RABEPK: variants seen among roughly 807,000 people sequenced by gnomAD.
The protein encoded by RABEPK is 40 kDa Rab9 effector protein.
Under a neutral mutation model 34.1 loss-of-function variants are expected in RABEPK, and 27 were observed. That is an observed-to-expected ratio of 0.79 (90% confidence interval 0.58 to 1.09). RABEPK has a LOEUF of 1.09. RABEPK is among the 50% of genes least tolerant of loss of function. The pLI, the probability that RABEPK is intolerant of heterozygous loss-of-function variation, is 0.00. For missense variants in RABEPK, 449 were observed against 462.6 expected, an observed-to-expected ratio of 0.97 and a Z score of 0.27; for synonymous variants, 172 against 169.2, an observed-to-expected ratio of 1.02 and a Z score of -0.13.
At chr9:125,201,277 C>T (rs1829887582) in intron 1 of RABEPK, among the ~76,000 whole-genome samples, 1 of 152,020 alleles carries the variant, frequency 6.6e-6, no homozygotes, top group Admixed American at 6.6e-5. Flanking sequence ...AGAAGGGAAG[C>T]GACATTCCAA....
chr9:125,213,396 T>C lies in RABEPK; in HGVS notation c.238T>C (p.Cys80Arg). Reference protein sequence around the residue: ...LGKHQWDLDTCKGLLPRYEHA... With the variant: ...LGKHQWDLDTRKGLLPRYEHA... ...AAAACACCAGTGGGACTTAGATACC[T>C]GCAAGGGCCTCTTGCCCCGGTATGA... is the stretch of plus-strand genomic sequence containing the variant. The change falls in exon 4 of 8, where the codon TGC becomes CGC. Residue 80 changes from cysteine (C) to arginine (R), a missense_variant. Transcript: ENST00000373538. The C allele has an allele frequency of 1.2e-6, 2 of 1,613,416 alleles. No individual in the cohort carries two copies. The highest frequency in any genetic ancestry group is 1.7e-6 in the Non-Finnish European group (2 of 1,179,790).
intron 3 of RABEPK, among the ~76,000 whole-genome samples, chr9:125,210,326 TC>T (rs918330180): frequency 3.1e-4 from 43 of 139,612 alleles, no homozygotes; most frequent in African/African-American, 1.2e-3. Context: ...ATGGCGTGAA[TC>T]CGGGAGGCGG....
chr9:125,204,578 G>A (rs58406689), intron 2 of RABEPK, among the ~76,000 whole-genome samples: 5,020 of 152,270 alleles, frequency 0.033, 242 homozygotes, highest in African/African-American at 0.11. Context: ...GGGAGACTCC[G>A]TCTCAAACAA....
intron 2 of RABEPK, 144 bp downstream of exon 2, chr9:125,203,210 G>T: frequency 1.5e-6 from 1 of 653,648 alleles, no homozygotes; most frequent in Non-Finnish European, 2.7e-6. Flanking sequence ...AACTGTCTGA[G>T]AAAGTCTTCA....
At chr9:125,226,468 A>G (rs750915817) in intron 5 of RABEPK, among the ~76,000 whole-genome samples, 7 of 152,086 alleles carry the variant, frequency 4.6e-5, no homozygotes, top group Non-Finnish European at 8.8e-5. Flanking sequence ...GCTCACACCT[A>G]TATCCTAGCA....
Position 125,200,629 on chromosome 9 carries a change from T to A in RABEPK, c.-284T>A, listed in dbSNP as rs1185411735. 6.4e-6 allele frequency: 3 copies of A among 467,084 alleles called. No homozygotes were observed. Among genetic ancestry groups the A allele is most frequent in the East Asian group, 7.0e-5 (1 of 14,306 alleles). The allele number at this position is 467,084 out of a possible 1,614,324, so 28.9% of individuals were successfully genotyped here. A position where few individuals can be genotyped will look rare whatever the true frequency, so the allele number is the denominator to read the frequency against. On this transcript the variant is annotated 5_prime_UTR_variant, in exon 1 of 8. Transcript: ENST00000373538. ...GGGGCGAGGGTCCCCGGATACCGGG[T>A]CTATCACGGTCTCGGGCAGGGAGTC... is the stretch of plus-strand genomic sequence containing the variant.
At chr9:125,220,942 G>A in intron 5 of RABEPK, 1 of 439,090 alleles carries the variant, frequency 2.3e-6, no homozygotes, top group Non-Finnish European at 3.9e-6. Context: ...TGAGGCAGGT[G>A]GACCGCTTAA....
chr9:125,225,977 AAAAG>A (rs1250953683), intron 5 of RABEPK, among the ~76,000 whole-genome samples: 3 of 150,908 alleles, frequency 2.0e-5, no homozygotes, highest in South Asian at 2.1e-4. Context: ...AAAAAAAAGA[AAAAG>A]AAAAAGAAAA....
At chr9:125,201,162 C>G (rs1430555153) in intron 1 of RABEPK, among the ~76,000 whole-genome samples, 3 of 152,202 alleles carry the variant, frequency 2.0e-5, no homozygotes, top group African/African-American at 7.2e-5. Flanking sequence ...AAGGAAGTAA[C>G]TTGGATGTGG....
intron 4 of RABEPK, among the ~76,000 whole-genome samples, chr9:125,219,021 C>T (rs900958735): frequency 4.0e-5 from 6 of 151,730 alleles, no homozygotes; most frequent in Admixed American, 1.3e-4. Flanking sequence ...CATGAGCCAC[C>T]GAGCCTGGCT....
intron 7 of RABEPK, among the ~76,000 whole-genome samples, chr9:125,233,329 GTTTTTTTTTTT>G (rs1233648822): frequency 3.7e-5 from 3 of 81,888 alleles, no homozygotes; most frequent in African/African-American, 1.1e-4. Context: ...TCTGGAAATT[GTTTTTTTTTTT>G]TTTTTTTTTT....
At chr9:125,207,175 G>T (rs1337295537) in intron 2 of RABEPK, among the ~76,000 whole-genome samples, 1 of 151,854 alleles carries the variant, frequency 6.6e-6, no homozygotes, top group Non-Finnish European at 1.5e-5. Flanking sequence ...CTTCCAAAAG[G>T]TCACACATCT....
chr9:125,203,279 A>G (rs185136717), intron 2 of RABEPK, among the ~76,000 whole-genome samples: 109 of 152,294 alleles, frequency 7.2e-4, no homozygotes, highest in Non-Finnish European at 2.5e-4. Context: ...ATTAAAATCC[A>G]TTTACCAGAA....
Position 125,213,410 on chromosome 9 carries a change from G to T in RABEPK, c.252G>T (p.Leu84Phe), listed in dbSNP as rs1830713236. 1.9e-6 allele frequency: 3 copies of T among 1,613,924 alleles called. No homozygotes were observed. Among genetic ancestry groups the T allele is most frequent in the Non-Finnish European group, 1.7e-6 (2 of 1,179,960 alleles). Residue 84 changes from leucine (L) to phenylalanine (F), a missense_variant, in exon 4 of 8, where the codon TTG (leucine) becomes TTT (phenylalanine). Leu to Phe is a conservative substitution (Grantham distance 22, BLOSUM62 0). Transcript: ENST00000373538. ...ACTTAGATACCTGCAAGGGCCTCTT[G>T]CCCCGGTATGAACATGCTAGCTTCA... is the stretch of plus-strand genomic sequence containing the variant. ...QWDLDTCKGL[L>F]PRYEHASFIP...
intron 2 of RABEPK, among the ~76,000 whole-genome samples, chr9:125,203,720 T>C (rs753864407): frequency 3.6e-4 from 55 of 152,286 alleles, no homozygotes; most frequent in Admixed American, 2.0e-3. Context: ...TGTGCCTCCC[T>C]GTTGGTGTTG....
intron 3 of RABEPK, among the ~76,000 whole-genome samples, chr9:125,208,129 A>G (rs1830353358): frequency 6.6e-6 from 1 of 151,904 alleles, no homozygotes; most frequent in East Asian, 1.9e-4. Context: ...CTCTGTCTCA[A>G]AAAAAAAGAA....
rs35541755 is a variant in RABEPK, at chr9:125,205,520, G to A, written c.54-2044G>A. ...AGTTTTTGTTTGTCTTTGAAACGGAGTCTCACTCTGTTGGCAGGTTGGAGT... is the reference window on the plus strand; with the variant it reads ...AGTTTTTGTTTGTCTTTGAAACGGAATCTCACTCTGTTGGCAGGTTGGAGT... On this transcript the variant is annotated intron_variant, in intron 2 of 7. Coordinates refer to ENST00000373538, the MANE Select transcript of RABEPK (RefSeq NM_005833.4). Among the ~76,000 whole-genome samples, 880 of 152,274 alleles carry A rather than the reference G, an allele frequency of 5.8e-3. 6 individuals are homozygous for A. Among genetic ancestry groups the A allele is most frequent in the Admixed American group, 0.018 (280 of 15,270 alleles).
rs148424418 is a variant in RABEPK at position 125,222,656 on chromosome 9, A to G, written c.526+1956A>G. On this transcript the variant is annotated intron_variant, in intron 5 of 7. Transcript: ENST00000373538. ...TTGAACCCCGGAGGCGGAGGTTGCA[A>G]TGAGCCGAGATCTTGCCACTGCACT... is the stretch of plus-strand genomic sequence containing the variant. Among the ~76,000 whole-genome samples the G allele has an allele frequency of 5.4e-5, 8 of 147,660 alleles. No homozygotes were observed. The East Asian group carries it at 1.0e-3, about 19-fold the overall frequency.
At chr9:125,201,076 G>T (rs374134429) in intron 1 of RABEPK, among the ~76,000 whole-genome samples, 170 bp downstream of exon 1, 3 of 152,204 alleles carry the variant, frequency 2.0e-5, no homozygotes, top group African/African-American at 7.2e-5. Context: ...TAGTCTAGAA[G>T]CCTTAAATAG....
Sources: allele counts gnomAD v4.1 joint callset (sites outside exome capture counted in the v4.1 genomes callset), GRCh38; gene constraint gnomAD v4.1.1; transcripts MANE v1.5; gene names NCBI Gene and HGNC (gene_info 2026-07-23, HGNC 2026-07-21).